GPATCH2: variants seen among roughly 807,000 people sequenced by gnomAD.
The protein encoded by GPATCH2 is G patch domain-containing protein 2.
GPATCH2 carries 51 observed loss-of-function variants against 58.0 expected under a neutral mutation model. The observed-to-expected ratio is 0.88, with a 90% CI of 0.70 to 1.11. The LOEUF (loss-of-function observed/expected upper bound fraction) is 1.11. GPATCH2 is among the 50% of genes most tolerant of loss of function. GPATCH2 has a pLI of 0.00. For missense variants in GPATCH2, 625 were observed against 652.2 expected (o/e 0.96, Z 0.45); for synonymous variants, 222 against 218.5 (o/e 1.02, Z -0.14).
At chr1:217,610,509 A>G in intron 4 of GPATCH2, 109 bp from the exon 5 acceptor site, 1 of 689,184 alleles carries the variant, frequency 1.5e-6, no homozygotes, top group East Asian at 2.6e-5. Flanking sequence ...GGTGGCGGTG[A>G]ATGCCACGAA....
intron 5 of GPATCH2, among the ~76,000 whole-genome samples, chr1:217,544,380 T>A (rs1487313899): frequency 6.6e-6 from 1 of 151,936 alleles, no homozygotes; most frequent in Admixed American, 6.5e-5. Flanking sequence ...GCAACAGAAC[T>A]AGACTCTGTT....
chr1:217,620,147 G>T lies in GPATCH2; in HGVS notation c.409C>A (p.Arg137=). 6.2e-7 allele frequency: 1 copy of T among 1,613,884 alleles called. No individual in the cohort carries two copies. The highest frequency in any genetic ancestry group is 8.5e-7 in the Non-Finnish European group (1 of 1,179,870). ...RPSSNLNNNV[R]GKRPLWHESD... The stretch of plus-strand genomic sequence containing the variant: ...TCATGCCATAGAGGTCTTTTCCCTC[G>T]AACATTATTATTTAAGTTTGATGAC... Residue 137 remains arginine (R), a synonymous_variant, in exon 2 of 10, where the codon CGA becomes AGA. Coordinates refer to ENST00000366935, the MANE Select transcript of GPATCH2 (RefSeq NM_018040.5).
intron 5 of GPATCH2, among the ~76,000 whole-genome samples, chr1:217,563,048 T>C (rs1666008923): frequency 6.6e-6 from 1 of 152,236 alleles, no homozygotes; most frequent in Non-Finnish European, 1.5e-5. Context: ...CAAACTACAC[T>C]TGGACTCCAA....
At chr1:217,532,276 TA>T (rs532160282) in intron 5 of GPATCH2, among the ~76,000 whole-genome samples, 79 of 152,338 alleles carry the variant, frequency 5.2e-4, no homozygotes, top group African/African-American at 1.8e-3. Flanking sequence ...AGAAGCTGCA[TA>T]TTAAATATTT....
chr1:217,431,100 G>C lies in GPATCH2; in HGVS notation c.*45C>G, dbSNP rs780191228. 1.1e-6 allele frequency: 1 copy of C among 937,774 alleles called. No individual in the cohort carries two copies. The highest frequency in any genetic ancestry group is 1.3e-5 in the South Asian group (1 of 77,522). 58.1% of individuals were successfully genotyped at this position (937,774 alleles called of 1,614,324 possible). A position where few individuals can be genotyped will look rare whatever the true frequency, so the allele number is the denominator to read the frequency against. On this transcript the variant is annotated 3_prime_UTR_variant, in exon 10 of 10. Transcript: ENST00000366935. ...GTCATGTTATCATTTTAGAACAATGGGACATAGTGAATAAAGTCTGTAAAA... is the reference window on the plus strand; with the variant it reads ...GTCATGTTATCATTTTAGAACAATGCGACATAGTGAATAAAGTCTGTAAAA...
intron 3 of GPATCH2, among the ~76,000 whole-genome samples, chr1:217,613,321 G>A (rs1033583849): frequency 6.6e-6 from 1 of 151,912 alleles, no homozygotes; most frequent in Non-Finnish European, 1.5e-5. Flanking sequence ...AAAAAGTATA[G>A]GAGGCTACTT....
At chr1:217,564,089 G>T (rs1382828529) in intron 5 of GPATCH2, among the ~76,000 whole-genome samples, 1 of 129,154 alleles carries the variant, frequency 7.7e-6, no homozygotes, top group South Asian at 2.6e-4. Context: ...GTATAAAAAC[G>T]ATAATTTATT....
At chr1:217,587,455 T>C (rs1473766774) in intron 5 of GPATCH2, among the ~76,000 whole-genome samples, 1 of 152,098 alleles carries the variant, frequency 6.6e-6, no homozygotes, top group Non-Finnish European at 1.5e-5. Flanking sequence ...AAGCCTAAGA[T>C]AGAAAGAGAC....
At chr1:217,618,586 T>C (rs749530186) in intron 2 of GPATCH2, among the ~76,000 whole-genome samples, 1 of 151,902 alleles carries the variant, frequency 6.6e-6, no homozygotes, top group Non-Finnish European at 1.5e-5. Flanking sequence ...AAAAGGATAA[T>C]TCCATAAACT....
chr1:217,588,877 T>C (rs570163598), intron 5 of GPATCH2, among the ~76,000 whole-genome samples: 1 of 152,304 alleles, frequency 6.6e-6, no homozygotes, highest in African/African-American at 2.4e-5. Context: ...TATTCCACTA[T>C]GAACACATAA....
intron 8 of GPATCH2, among the ~76,000 whole-genome samples, chr1:217,487,112 A>G (rs1004436262): frequency 9.9e-5 from 15 of 152,160 alleles, no homozygotes; most frequent in African/African-American, 3.6e-4. Flanking sequence ...GCCAGGCTGG[A>G]TTGCCTCCTG....
At chr1:217,619,169 C>T (rs968079702) in intron 2 of GPATCH2, among the ~76,000 whole-genome samples, 2 of 152,056 alleles carry the variant, frequency 1.3e-5, no homozygotes, top group Non-Finnish European at 2.9e-5. Context: ...GATCACTTAC[C>T]TTTTGATGCT....
At chr1:217,572,500 G>A (rs1252020069) in intron 5 of GPATCH2, among the ~76,000 whole-genome samples, 1 of 152,144 alleles carries the variant, frequency 6.6e-6, no homozygotes, top group Admixed American at 6.5e-5. Flanking sequence ...CCCTGTGTTT[G>A]CTGAACAACC....
intron 8 of GPATCH2, among the ~76,000 whole-genome samples, chr1:217,451,357 T>C (rs1659657317): frequency 6.6e-6 from 1 of 152,178 alleles, no homozygotes; most frequent in East Asian, 1.9e-4. Context: ...CAATGGGAAA[T>C]ACTTCTTAAC....
At chr1:217,522,103 C>T (rs1030932047) in intron 5 of GPATCH2, among the ~76,000 whole-genome samples, 3 of 152,118 alleles carry the variant, frequency 2.0e-5, no homozygotes, top group South Asian at 2.1e-4. Flanking sequence ...ATGTTTTTAA[C>T]GTAAAACTAA....
chr1:217,532,678 G>T (rs566323606), intron 5 of GPATCH2, among the ~76,000 whole-genome samples: 1 of 152,134 alleles, frequency 6.6e-6, no homozygotes, highest in South Asian at 2.1e-4. Flanking sequence ...AGATGGAGCA[G>T]CCAAGCAAAG....
chr1:217,505,379 T>G (rs1382696802), intron 6 of GPATCH2, among the ~76,000 whole-genome samples: 1 of 149,268 alleles, frequency 6.7e-6, no homozygotes, highest in Non-Finnish European at 1.5e-5. Flanking sequence ...AATTTTTTTT[T>G]TAAGAATGAC....
intron 5 of GPATCH2, among the ~76,000 whole-genome samples, chr1:217,523,390 G>A (rs1224046459): frequency 6.6e-6 from 1 of 151,606 alleles, no homozygotes; most frequent in Non-Finnish European, 1.5e-5. Context: ...CGAGCATGCT[G>A]CCTTCAAGCG....
chr1:217,454,093 C>T (rs1233893033), intron 8 of GPATCH2, among the ~76,000 whole-genome samples: 1 of 152,042 alleles, frequency 6.6e-6, no homozygotes, highest in Admixed American at 6.6e-5. Context: ...GTTGGGAAAC[C>T]CAGCCCCATG....
Sources: allele counts gnomAD v4.1 joint callset (sites outside exome capture counted in the v4.1 genomes callset), GRCh38; gene constraint gnomAD v4.1.1; transcripts MANE v1.5; gene names NCBI Gene and HGNC (gene_info 2026-07-23, HGNC 2026-07-21).